Variants in SENP5 observed in about 807,000 individuals in gnomAD.
SENP5 encodes sentrin-specific protease 5.
In SENP5, 21 loss-of-function variants were observed where a neutral mutation model predicts 74.2. That is an observed-to-expected ratio of 0.28 (90% confidence interval 0.20 to 0.41). SENP5 has a LOEUF of 0.41. Among genes scored for constraint, SENP5 ranks in the 10% least tolerant of loss-of-function variants. SENP5 has a pLI of 1.00. For missense variants in SENP5, 717 were observed against 889.1 expected, an observed-to-expected ratio of 0.81 and a Z score of 2.46; for synonymous variants, 311 against 312.7, an observed-to-expected ratio of 0.99 and a Z score of 0.06.
Position 196,912,932 on chromosome 3 carries a change from CAGAA to C in SENP5, c.1884+9325_1884+9328del, listed in dbSNP as rs370929584. 3.1e-3 allele frequency: 478 copies of C among 152,152 alleles called. 2 individuals carry two copies. Among genetic ancestry groups the C allele is most frequent in the African/African-American group, 0.011 (453 of 41,504 alleles). 9.4% of individuals were successfully genotyped at this position (152,152 alleles called of 1,614,324 possible). ...GGTACTAGACAAATTGAAACAAAAA[CAGAA>C]AGGAATATTAATCATATTAATAGCA... On this transcript the variant is annotated intron_variant, in intron 6 of 9. Coordinates refer to ENST00000323460, the MANE Select transcript of SENP5 (RefSeq NM_152699.5).
intron 2 of SENP5, among the ~76,000 whole-genome samples, chr3:196,897,895 G>A (rs1387587896): frequency 2.0e-5 from 3 of 152,090 alleles, no homozygotes; most frequent in African/African-American, 7.2e-5. Context: ...TGGGTGGCCA[G>A]GCGCGGTGGC....
intron 1 of SENP5, among the ~76,000 whole-genome samples, chr3:196,884,664 GT>G (rs199659730): frequency 8.2e-6 from 1 of 121,402 alleles, no homozygotes; most frequent in Non-Finnish European, 1.6e-5. Context: ...ACAGAAATCA[GT>G]TTTTTTTTGT....
At chr3:196,914,605 A>ATATATATGTATG (rs1553825414) in intron 6 of SENP5, 4 of 122,490 alleles carry the variant, frequency 3.3e-5, no homozygotes, top group African/African-American at 9.8e-5. Context: ...ATATATATAT[A>ATATATATGTATG]TATATATGTC....
At chr3:196,878,011 T>A (rs1318583630) in intron 1 of SENP5, among the ~76,000 whole-genome samples, 2 of 152,176 alleles carry the variant, frequency 1.3e-5, no homozygotes, top group African/African-American at 4.8e-5. Context: ...CCTGAAAATT[T>A]CATTAAAACA....
intron 1 of SENP5, among the ~76,000 whole-genome samples, chr3:196,879,762 G>T (rs1225292026): frequency 2.6e-5 from 4 of 151,930 alleles, no homozygotes; most frequent in African/African-American, 9.7e-5. Context: ...AACCTTTTTT[G>T]TTAGTTGTTA....
intron 1 of SENP5, among the ~76,000 whole-genome samples, chr3:196,871,356 G>T (rs1713209101): frequency 6.6e-6 from 1 of 152,128 alleles, no homozygotes; most frequent in East Asian, 1.9e-4. Context: ...CAGGAGACAA[G>T]TAGAGGTACA....
intron 1 of SENP5, among the ~76,000 whole-genome samples, chr3:196,873,378 C>T (rs1375416497): frequency 2.6e-5 from 4 of 151,802 alleles, no homozygotes; most frequent in South Asian, 2.1e-4. Flanking sequence ...CGGCCCCAGC[C>T]GAGACTTAAC....
chr3:196,912,927 A>G (rs1451141233), intron 6 of SENP5: 1 of 152,178 alleles, frequency 6.6e-6, no homozygotes, highest in Non-Finnish European at 1.5e-5. Flanking sequence ...AAATTGAAAC[A>G]AAAACAGAAA....
intron 2 of SENP5, among the ~76,000 whole-genome samples, chr3:196,891,834 A>G (rs1476217820): frequency 6.6e-6 from 1 of 151,890 alleles, no homozygotes; most frequent in Non-Finnish European, 1.5e-5. Flanking sequence ...TCTTTCTCCC[A>G]GGCTGGAGTG....
intron 1 of SENP5, among the ~76,000 whole-genome samples, chr3:196,877,468 C>T (rs981316653): frequency 5.3e-5 from 8 of 152,098 alleles, no homozygotes; most frequent in Admixed American, 1.3e-4. Flanking sequence ...TACAGGTGTG[C>T]GCCACCGTGC....
Position 196,877,383 on chromosome 3 carries a change from C to T in SENP5, c.-31-7768C>T, listed in dbSNP as rs1340210927. ...ATTTTTAGTAAGAGACAGGGTTTCA[C>T]CATGTTGGCCAGGCTGGTCTGGAAC... On this transcript the variant is annotated intron_variant, in intron 1 of 9. Coordinates refer to ENST00000323460, the MANE Select transcript of SENP5 (RefSeq NM_152699.5). 2.0e-5 allele frequency among the ~76,000 whole-genome samples: 3 copies of T among 152,060 alleles called. No individual in the cohort carries two copies. In the East Asian group the frequency reaches 5.8e-4, roughly 29 times the overall value.
At chr3:196,895,730 C>A (rs1714417357) in intron 2 of SENP5, among the ~76,000 whole-genome samples, 4 of 152,114 alleles carry the variant, frequency 2.6e-5, no homozygotes, top group African/African-American at 9.7e-5. Flanking sequence ...CTTTGTTGCC[C>A]AGACTGGTCT....
At chr3:196,916,615 T>A (rs1278900751) in intron 6 of SENP5, among the ~76,000 whole-genome samples, 1 of 150,564 alleles carries the variant, frequency 6.6e-6, no homozygotes, top group African/African-American at 2.4e-5. Flanking sequence ...GCAACCTCCA[T>A]CTCCCAGGTT....
intron 6 of SENP5, among the ~76,000 whole-genome samples, chr3:196,909,232 T>C (rs1211888914): frequency 6.6e-6 from 1 of 152,168 alleles, no homozygotes; most frequent in African/African-American, 2.4e-5. Flanking sequence ...AATGTCTGAA[T>C]AGACCAATAA....
chr3:196,927,378 C>T (rs758379214), intron 7 of SENP5, among the ~76,000 whole-genome samples: 2 of 152,216 alleles, frequency 1.3e-5, no homozygotes, highest in African/African-American at 2.4e-5. Context: ...ATAAAACGTT[C>T]TGATTACACA....
intron 2 of SENP5, among the ~76,000 whole-genome samples, chr3:196,897,955 T>TA (rs1577817380): frequency 6.6e-6 from 1 of 151,634 alleles, no homozygotes; most frequent in East Asian, 1.9e-4. Context: ...GTGGATCACC[T>TA]GAGGTCAGGA....
intron 1 of SENP5, among the ~76,000 whole-genome samples, chr3:196,878,461 A>C (rs1400056820): frequency 6.6e-6 from 1 of 151,976 alleles, no homozygotes; most frequent in Non-Finnish European, 1.5e-5. Flanking sequence ...GAAGGTAGAA[A>C]CCTCTAGCTT....
chr3:196,926,793 C>T (rs1216091082), intron 7 of SENP5, among the ~76,000 whole-genome samples: 1 of 151,868 alleles, frequency 6.6e-6, no homozygotes, highest in Non-Finnish European at 1.5e-5. Flanking sequence ...TGTGCACCAC[C>T]ACACCTGGCT....
At chr3:196,915,442 GGT>G (rs1715329275) in intron 6 of SENP5, among the ~76,000 whole-genome samples, 2 of 152,218 alleles carry the variant, frequency 1.3e-5, no homozygotes, top group Admixed American at 1.3e-4. Flanking sequence ...GACCCTGGAT[GGT>G]ATTTATAGCC....
Sources: allele counts gnomAD v4.1 joint callset (sites outside exome capture counted in the v4.1 genomes callset), GRCh38; gene constraint gnomAD v4.1.1; transcripts MANE v1.5; gene names NCBI Gene and HGNC (gene_info 2026-07-23, HGNC 2026-07-21).